RBFOX1: variants seen among roughly 807,000 people sequenced by gnomAD.
RBFOX1 encodes RNA binding protein fox-1 homolog 1.
A neutral mutation model predicts 57.7 loss-of-function variants in RBFOX1; 8 were observed. The ratio of observed to expected loss-of-function variants is 0.14; its 90% CI spans 0.08 to 0.25. RBFOX1 has a LOEUF of 0.25. Among genes scored for constraint, RBFOX1 ranks in the 10% least tolerant of loss-of-function variants. RBFOX1 has a pLI of 1.00. For synonymous variants in RBFOX1, 326 were observed against 222.4 expected (o/e 1.47, Z -4.15); for missense variants, 611 against 548.5 (o/e 1.11, Z -1.14).
intron 4 of RBFOX1, among the ~76,000 whole-genome samples, chr16:7,504,759 A>ATATATATATATT (rs2072506522): frequency 3.5e-4 from 3 of 8,694 alleles, no homozygotes; most frequent in Non-Finnish European, 1.2e-3. Flanking sequence ...ATATATTTAT[A>ATATATATATATT]TATATATATA....
intron 2 of RBFOX1, among the ~76,000 whole-genome samples, chr16:5,548,175 ATATATAT>A (rs1358221731): frequency 0.076 from 2,133 of 28,116 alleles, 84 homozygotes; most frequent in African/African-American, 0.16. Context: ...AAAAAAAAAA[ATATATAT>A]ATATATATAT....
chr16:6,806,317 ATTTAC>A (rs1384933409), intron 3 of RBFOX1, among the ~76,000 whole-genome samples: 1 of 152,166 alleles, frequency 6.6e-6, no homozygotes, highest in Non-Finnish European at 1.5e-5. Context: ...AATGTTGAAT[ATTTAC>A]TTTAATGTCA....
At chr16:5,357,991 A>G (rs1275859204) in intron 1 of RBFOX1, among the ~76,000 whole-genome samples, 4 of 152,216 alleles carry the variant, frequency 2.6e-5, no homozygotes, top group African/African-American at 9.7e-5. Context: ...GCTGTAGCAA[A>G]GTACCTCAGA....
chr16:7,545,725 C>G (rs539143821), intron 5 of RBFOX1, among the ~76,000 whole-genome samples: 1 of 152,206 alleles, frequency 6.6e-6, no homozygotes, highest in Non-Finnish European at 1.5e-5. Flanking sequence ...TCCGAATGTT[C>G]TTTCCAGACA....
chr16:5,287,397 A>G (rs2063422419), intron 1 of RBFOX1, among the ~76,000 whole-genome samples: 1 of 152,194 alleles, frequency 6.6e-6, no homozygotes, highest in South Asian at 2.1e-4. Flanking sequence ...AACTAGCTCT[A>G]CAGTCTTATT....
intron 4 of RBFOX1, among the ~76,000 whole-genome samples, chr16:7,409,756 A>T (rs2098403933): frequency 6.6e-6 from 1 of 151,662 alleles, no homozygotes; most frequent in Non-Finnish European, 1.5e-5. Context: ...TGAAACTTCA[A>T]CATGCTTCAT....
At chr16:7,680,371 C>T (rs1384586202) in intron 14 of RBFOX1, among the ~76,000 whole-genome samples, 1 of 152,142 alleles carries the variant, frequency 6.6e-6, no homozygotes, top group South Asian at 2.1e-4. Context: ...GTTATCTCCC[C>T]AGACAGACAG....
chr16:5,439,928 G>C (rs62016394), intron 1 of RBFOX1, among the ~76,000 whole-genome samples: 2,558 of 152,276 alleles, frequency 0.017, 32 homozygotes, highest in Middle Eastern at 0.027. Flanking sequence ...TATTCAAGTG[G>C]AGATGTCAAG....
At chr16:5,605,950 T>C (rs1298212950) in intron 3 of RBFOX1, among the ~76,000 whole-genome samples, 1 of 152,118 alleles carries the variant, frequency 6.6e-6, no homozygotes, top group Non-Finnish European at 1.5e-5. Flanking sequence ...GGCCCACCTT[T>C]CCCATTGCTT....
intron 4 of RBFOX1, among the ~76,000 whole-genome samples, chr16:5,916,880 G>A (rs949716544): frequency 6.6e-6 from 1 of 152,116 alleles, no homozygotes; most frequent in African/African-American, 2.4e-5. Context: ...GGGAAAGCAG[G>A]TTTCCCAATG....
intron 4 of RBFOX1, among the ~76,000 whole-genome samples, chr16:5,889,911 G>C (rs72769074): frequency 0.14 from 21,676 of 152,280 alleles, 1,855 homozygotes; most frequent in Admixed American, 0.2. Context: ...CTGGAGCACA[G>C]GATCTGGCAG....
At chr16:7,145,543 A>G (rs1204186278) in intron 4 of RBFOX1, among the ~76,000 whole-genome samples, 1 of 151,424 alleles carries the variant, frequency 6.6e-6, no homozygotes, top group Non-Finnish European at 1.5e-5. Context: ...TTTTTCTTGC[A>G]CTTAAAGCAA....
At chr16:7,360,170 ATGCATTC>A (rs1338625338) in intron 4 of RBFOX1, among the ~76,000 whole-genome samples, 1 of 152,184 alleles carries the variant, frequency 6.6e-6, no homozygotes, top group Non-Finnish European at 1.5e-5. Context: ...AATACGCTAC[ATGCATTC>A]TGCATGTCAC....
chr16:7,480,209 G>A (rs528019580), intron 4 of RBFOX1, among the ~76,000 whole-genome samples: 16 of 152,306 alleles, frequency 1.1e-4, no homozygotes, highest in Admixed American at 6.5e-4. Flanking sequence ...GGGGATGTTC[G>A]TCTTTTTCTG....
In RBFOX1 at chr16:5,694,033, G is replaced by T. The variant is rs549800644; in HGVS notation, c.318+95072G>T. Among the ~76,000 whole-genome samples the T allele has an allele frequency of 1.2e-4, 19 of 152,328 alleles. No individual in the cohort carries two copies. In the South Asian group the frequency reaches 3.5e-3, roughly 28 times the overall value. On this transcript the variant is annotated intron_variant, in intron 3 of 19. Coordinates refer to the RBFOX1 transcript ENST00000641259. ...CTTCGGGGCATCAGAGTAAAGTACA[G>T]AGTAAGTGAGATAAATTTGAGCTCA...
At chr16:5,708,025 T>G (rs2051316601) in intron 3 of RBFOX1, among the ~76,000 whole-genome samples, 1 of 152,248 alleles carries the variant, frequency 6.6e-6, no homozygotes, top group African/African-American at 2.4e-5. Flanking sequence ...ACATGGTTAA[T>G]TATTGTTGTT....
Position 6,672,671 on chromosome 16 carries a change from C to T in RBFOX1, c.-16+18021C>T, listed in dbSNP as rs921095446. ...CTGAAATGATTCCATAGGAAACCTC[C>T]ACCCACCATGATTCCGCTTCTGCTT... On this transcript the variant is annotated intron_variant, in intron 3 of 15. Coordinates refer to ENST00000550418, the MANE Select transcript of RBFOX1 (RefSeq NM_018723.4). Among the ~76,000 whole-genome samples the T allele has an allele frequency of 1.2e-4, 18 of 152,116 alleles. No homozygotes were observed. In the East Asian group the frequency reaches 1.7e-3, roughly 15 times the overall value.
At chr16:5,488,805 A>T (rs1291631218) in intron 2 of RBFOX1, among the ~76,000 whole-genome samples, 1 of 131,778 alleles carries the variant, frequency 7.6e-6, no homozygotes, top group Admixed American at 7.8e-5. Flanking sequence ...GAAGATTAAC[A>T]GTGATGATGA....
At chr16:5,240,982 G>A (rs2062152672) in intron 1 of RBFOX1, among the ~76,000 whole-genome samples, 1 of 152,238 alleles carries the variant, frequency 6.6e-6, no homozygotes, top group Admixed American at 6.5e-5. Context: ...GATGGATAAT[G>A]GGGTTGACCT....
Sources: allele counts gnomAD v4.1 joint callset (sites outside exome capture counted in the v4.1 genomes callset), GRCh38; gene constraint gnomAD v4.1.1; transcripts MANE v1.5; gene names NCBI Gene and HGNC (gene_info 2026-07-23, HGNC 2026-07-21).